Variants in UTRN observed in about 807,000 individuals in gnomAD.
The protein encoded by UTRN is utrophin.
In UTRN, 283 loss-of-function variants were observed where a neutral mutation model predicts 463.9. The observed-to-expected ratio is 0.61, with a 90% CI of 0.55 to 0.67. UTRN has a LOEUF of 0.67. UTRN is among the 30% of genes least tolerant of loss of function. The probability of loss-of-function intolerance (pLI) is 0.00; values close to 1 mark genes in which losing one functional copy is unlikely to be tolerated. For missense variants in UTRN, 3,922 were observed against 4,084.3 expected (o/e 0.96, Z 1.08); for synonymous variants, 1,442 against 1,431.5 (o/e 1.01, Z -0.17).
chr6:144,497,184 G>A (rs574440746), intron 33 of UTRN, among the ~76,000 whole-genome samples: 11 of 152,278 alleles, frequency 7.2e-5, no homozygotes, highest in African/African-American at 2.2e-4. Flanking sequence ...GACTGGTTTC[G>A]AAGTCATTGT....
intron 51 of UTRN, among the ~76,000 whole-genome samples, chr6:144,659,393 GCCCA>G (rs1562721045): frequency 7.9e-5 from 12 of 152,210 alleles, no homozygotes; most frequent in African/African-American, 2.9e-4. Context: ...AGCTGCCAGA[GCCCA>G]CTGAGGCTGC....
intron 41 of UTRN, among the ~76,000 whole-genome samples, chr6:144,528,548 A>G (rs892395175): frequency 4.6e-5 from 7 of 152,114 alleles, no homozygotes; most frequent in African/African-American, 1.7e-4. Context: ...GCTGAACTGC[A>G]GTGATTATTA....
chr6:144,694,870 T>C (rs1463005886), intron 52 of UTRN, among the ~76,000 whole-genome samples: 1 of 152,084 alleles, frequency 6.6e-6, no homozygotes, highest in Non-Finnish European at 1.5e-5. Flanking sequence ...TTTGAATGGT[T>C]TTTTTGTGTC....
chr6:144,399,766 C>T (rs370368444), intron 2 of UTRN, among the ~76,000 whole-genome samples: 373 of 152,284 alleles, frequency 2.4e-3, no homozygotes, highest in African/African-American at 7.4e-3. Flanking sequence ...TATGTTGCTA[C>T]GTTCTGCTAA....
chr6:144,705,768 A>G (rs996555188), intron 53 of UTRN, among the ~76,000 whole-genome samples: 2 of 152,232 alleles, frequency 1.3e-5, no homozygotes, highest in African/African-American at 2.4e-5. Flanking sequence ...TAGGAAAAGT[A>G]AAGTGCTGAA....
chr6:144,564,538 T>C (rs1396792180), intron 50 of UTRN, among the ~76,000 whole-genome samples: 1 of 152,164 alleles, frequency 6.6e-6, no homozygotes. Context: ...CTGGGTAATT[T>C]ATAAAGGAAA....
At chr6:144,562,487 G>A (rs193076039) in intron 50 of UTRN, among the ~76,000 whole-genome samples, 4 of 152,170 alleles carry the variant, frequency 2.6e-5, no homozygotes, top group African/African-American at 9.6e-5. Flanking sequence ...AGTTTGCGGT[G>A]GATAATGGCT....
intron 65 of UTRN, among the ~76,000 whole-genome samples, chr6:144,809,247 G>T (rs763547090): frequency 6.6e-6 from 1 of 152,036 alleles, no homozygotes; most frequent in Non-Finnish European, 1.5e-5. Context: ...TAGCTACTAG[G>T]GTCAATCTTG....
At chr6:144,688,017 A>G (rs919103698) in intron 52 of UTRN, among the ~76,000 whole-genome samples, 5 of 152,124 alleles carry the variant, frequency 3.3e-5, no homozygotes, top group East Asian at 3.8e-4. Flanking sequence ...ACATAATCCC[A>G]TATTTCTTGA....
At chr6:144,654,728 G>A (rs1411283578) in intron 51 of UTRN, among the ~76,000 whole-genome samples, 1 of 152,192 alleles carries the variant, frequency 6.6e-6, no homozygotes, top group Non-Finnish European at 1.5e-5. Context: ...CTTGTCTGAT[G>A]CTGCATATTT....
intron 64 of UTRN, among the ~76,000 whole-genome samples, chr6:144,802,007 C>T (rs778411184): frequency 5.3e-5 from 8 of 152,092 alleles, no homozygotes; most frequent in Non-Finnish European, 1.2e-4. Context: ...GCAAGAGAGG[C>T]TAAGAAACAG....
chr6:144,349,541 A>G (rs1777925818), intron 2 of UTRN, among the ~76,000 whole-genome samples: 2 of 152,360 alleles, frequency 1.3e-5, no homozygotes, highest in South Asian at 4.1e-4. Context: ...TAAATGGAAT[A>G]ATAAATTCTG....
Position 144,757,963 on chromosome 6 carries a change from A to C in UTRN, c.8469A>C (p.Ser2823=), listed in dbSNP as rs200196725. 3.4e-5 allele frequency: 54 copies of C among 1,611,104 alleles called. No homozygotes were observed. The highest frequency in any genetic ancestry group is 3.3e-4 in the Middle Eastern group (2 of 6,066). ...SVQLPWQRSI[S]HNKVPYYINH... is the part of the protein sequence containing the mutation. ...AGCTGCCGTGGCAAAGATCCATTTC[A>C]CATAATAAAGTGCCCTATTACATCA... The change falls in exon 58 of 75, where the codon TCA becomes TCC. Residue 2823 remains serine (S), a synonymous_variant. Transcript: ENST00000367545.
intron 51 of UTRN, among the ~76,000 whole-genome samples, chr6:144,615,655 T>C (rs1806004742): frequency 6.6e-6 from 1 of 152,198 alleles, no homozygotes; most frequent in African/African-American, 2.4e-5. Context: ...CCAAAGTATA[T>C]TCTTAATCAT....
In UTRN at chr6:144,458,956, C is replaced by T. The variant is rs778178730; in HGVS notation, c.2471C>T (p.Thr824Ile). The T allele has an allele frequency of 2.0e-5, 32 of 1,612,712 alleles. No individual in the cohort carries two copies. In the East Asian group the frequency reaches 6.5e-4, roughly 33 times the overall value. ...ACAAAGGAGGAGTGGGTAAAACACA[C>T]TTCCATTTCTGAATCTTCCCGGCAG... ...IKTKEEWVKH[T>I]SISESSRQSL... Residue 824 changes from threonine (T) to isoleucine (I), a missense_variant, in exon 20 of 75, where the codon ACT (threonine) becomes ATT (isoleucine). Around this residue, in one of 3 missense-constraint regions of UTRN, gnomAD observed 2,349 missense variants for 2,303.8 expected, o/e 1.02. Transcript: ENST00000367545.
intron 51 of UTRN, among the ~76,000 whole-genome samples, chr6:144,601,478 G>A (rs1804245300): frequency 6.6e-6 from 1 of 152,170 alleles, no homozygotes; most frequent in Non-Finnish European, 1.5e-5. Context: ...AGCTGTGGTG[G>A]AAATGGCAAG....
intron 33 of UTRN, among the ~76,000 whole-genome samples, chr6:144,495,680 G>GGACTGCCAGCATGCTGTCAC: frequency 6.6e-6 from 1 of 152,364 alleles, no homozygotes; most frequent in Non-Finnish European, 1.5e-5. Flanking sequence ...AGGGCTGTGA[G>GGACTGCCAGCATGCTGTCAC]GACTGCCAGC....
At position 144,568,626 on chromosome 6, in the gene UTRN, A is replaced by G. The variant is rs552902835; in HGVS notation, c.7290-8473A>G. 4.3e-4 allele frequency among the ~76,000 whole-genome samples: 66 copies of G among 152,118 alleles called. No homozygotes were observed. The Middle Eastern group carries it at 0.014, about 31-fold the overall frequency. On this transcript the variant is annotated intron_variant, in intron 50 of 74. Coordinates refer to ENST00000367545, the MANE Select transcript of UTRN (RefSeq NM_007124.3). ...CAACCTTTTTTGCGATCGGCACACT[A>G]CTCATCTATTCCCGCCAGTCATCTT...
At chr6:144,606,833 GA>G (rs1333708325) in intron 51 of UTRN, among the ~76,000 whole-genome samples, 1 of 152,148 alleles carries the variant, frequency 6.6e-6, no homozygotes, top group Non-Finnish European at 1.5e-5. Flanking sequence ...AAAATTTAGT[GA>G]AGTGTAAGTC....
Sources: gnomAD v4.1 joint callset for allele counts (sites outside exome capture counted in the v4.1 genomes callset) on GRCh38, gnomAD v4.1.1 for gene constraint, gnomAD v4.1.1 regional missense constraint, MANE v1.5 for transcripts, NCBI Gene and HGNC (gene_info 2026-07-23, HGNC 2026-07-21) for gene names.